The following SPATA9 variants were observed in gnomAD, a reference collection of about 807,000 sequenced individuals.
SPATA9 encodes spermatogenesis associated 9.
In SPATA9, 27 loss-of-function variants were observed where a neutral mutation model predicts 25.5. The ratio of observed to expected loss-of-function variants is 1.06; its 90% CI spans 0.78 to 1.46. The LOEUF is 1.46. Among genes scored for constraint, SPATA9 ranks in the 40% most tolerant of loss-of-function variants. The pLI, the probability that SPATA9 is intolerant of heterozygous loss-of-function variation, is 0.00. For synonymous variants in SPATA9, 102 were observed against 105.7 expected, an observed-to-expected ratio of 0.97 and a Z score of 0.21; for missense variants, 282 against 297.5, an observed-to-expected ratio of 0.95 and a Z score of 0.38.
intron 1 of SPATA9, among the ~76,000 whole-genome samples, chr5:95,690,164 T>A (rs150266426): frequency 1.3e-5 from 2 of 152,004 alleles, no homozygotes; most frequent in East Asian, 3.9e-4. Flanking sequence ...AACCTACACA[T>A]GAACTGCTAA....
At position 95,664,050 on chromosome 5, in the gene SPATA9, T is replaced by C. The variant is rs1751528189; in HGVS notation, c.379-2A>G. On this transcript the variant is annotated splice_acceptor_variant, in intron 3 of 4. Transcript: ENST00000274432. LOFTEE classifies it high-confidence loss of function. Reference sequence around the variant, plus strand: ...TTCAAACAAAGAACCCTTTCTGACCTGCAAAAACAGAAAAGATTTTCTTAA... The same window carrying C: ...TTCAAACAAAGAACCCTTTCTGACCCGCAAAAACAGAAAAGATTTTCTTAA... 1 of 1,531,124 alleles carries C rather than the reference T, an allele frequency of 6.5e-7. No homozygotes were observed. The highest frequency in any genetic ancestry group is 2.3e-5 in the East Asian group (1 of 43,178). 94.8% of individuals were successfully genotyped at this position (1,531,124 alleles called of 1,614,324 possible).
downstream of SPATA9, among the ~76,000 whole-genome samples, chr5:95,655,759 C>T (rs908502625): frequency 1.3e-5 from 2 of 152,068 alleles, no homozygotes; most frequent in African/African-American, 4.8e-5. Flanking sequence ...GTCAAGGAGG[C>T]GACATTAACA....
chr5:95,702,509 G>T (rs956117210), upstream of SPATA9, among the ~76,000 whole-genome samples: 3 of 152,142 alleles, frequency 2.0e-5, no homozygotes, highest in Admixed American at 2.0e-4. Flanking sequence ...GAACCAATTT[G>T]TCTAACTCAA....
chr5:95,718,701 C>G, the SPATA9 span, among the ~76,000 whole-genome samples: 2 of 152,198 alleles, frequency 1.3e-5, no homozygotes, highest in Non-Finnish European at 2.9e-5. Context: ...CGAAAAATCA[C>G]ACACTAAGGT....
chr5:95,654,394 C>G, downstream of SPATA9: 2 of 1,409,884 alleles, frequency 1.4e-6, no homozygotes, highest in Non-Finnish European at 2.0e-6. Flanking sequence ...TTATTTTCAG[C>G]AAATTCAGCA....
chr5:95,667,572 G>T (rs1023633634), intron 3 of SPATA9, among the ~76,000 whole-genome samples: 11 of 152,096 alleles, frequency 7.2e-5, no homozygotes, highest in Non-Finnish European at 1.5e-4. Flanking sequence ...AGGCTACACG[G>T]AGACAAATAT....
At chr5:95,706,648 AGTT>A in the SPATA9 span, among the ~76,000 whole-genome samples, 1 of 152,262 alleles carries the variant, frequency 6.6e-6, no homozygotes, top group East Asian at 1.9e-4. Flanking sequence ...AGGTAAATTA[AGTT>A]GTTTCTCTCC....
chr5:95,685,987 C>T (rs532619002), upstream of SPATA9, among the ~76,000 whole-genome samples: 4 of 152,230 alleles, frequency 2.6e-5, no homozygotes, highest in East Asian at 1.9e-4. Context: ...CAGGCACCCG[C>T]GACCACGCCC....
chr5:95,682,346 C>T (rs1289349163), intron 2 of SPATA9, among the ~76,000 whole-genome samples, 182 bp downstream of exon 2: 1 of 152,184 alleles, frequency 6.6e-6, no homozygotes. Flanking sequence ...GGTCCACAAT[C>T]TCTCTGCTTC....
chr5:95,695,212 T>C (rs1753985386), intron 1 of SPATA9, among the ~76,000 whole-genome samples: 1 of 152,212 alleles, frequency 6.6e-6, no homozygotes, highest in Non-Finnish European at 1.5e-5. Context: ...GTAAGGCACA[T>C]ATTATCAACT....
intron 1 of SPATA9, among the ~76,000 whole-genome samples, chr5:95,696,716 C>A (rs1292818928): frequency 6.6e-6 from 1 of 152,078 alleles, no homozygotes; most frequent in Non-Finnish European, 1.5e-5. Context: ...GTCTTTACAA[C>A]AAATTAAAAG....
At chr5:95,662,615 C>G (rs957250462) in intron 4 of SPATA9, among the ~76,000 whole-genome samples, 1 of 151,860 alleles carries the variant, frequency 6.6e-6, no homozygotes, top group Non-Finnish European at 1.5e-5. Context: ...AGGCAAGTCA[C>G]GGAGTAAGAG....
chr5:95,652,921 A>G, downstream of SPATA9: 2 of 679,868 alleles, frequency 2.9e-6, no homozygotes, highest in East Asian at 3.1e-5. Context: ...ATTCTTTCAA[A>G]AAGAAATCAA....
At chr5:95,727,733 G>A in the SPATA9 span, among the ~76,000 whole-genome samples, 1 of 152,248 alleles carries the variant, frequency 6.6e-6, no homozygotes, top group East Asian at 1.9e-4. Context: ...TAAAAAAGTG[G>A]TCATAAGAAA....
intron 2 of SPATA9, among the ~76,000 whole-genome samples, 162 bp downstream of exon 2, chr5:95,682,366 C>T (rs1753540665): frequency 6.6e-6 from 1 of 152,122 alleles, no homozygotes. Context: ...CCCAAAGACC[C>T]CTCTTAATGA....
intron 2 of SPATA9, among the ~76,000 whole-genome samples, chr5:95,680,667 T>G (rs1753369154): frequency 6.6e-6 from 1 of 152,218 alleles, no homozygotes; most frequent in African/African-American, 2.4e-5. Flanking sequence ...TACACTACAG[T>G]TAGTTAAAGA....
At chr5:95,676,020 C>G (rs1752915850) in intron 2 of SPATA9, among the ~76,000 whole-genome samples, 1 of 152,006 alleles carries the variant, frequency 6.6e-6, no homozygotes. Flanking sequence ...CCGAGTTTCA[C>G]CATGCTGGTC....
downstream of SPATA9, chr5:95,657,387 T>G (rs1750826088): frequency 6.6e-6 from 1 of 151,746 alleles, no homozygotes; most frequent in South Asian, 2.1e-4. Flanking sequence ...CAGCACATAG[T>G]GGTGATTTTT....
At chr5:95,722,552 G>A in the SPATA9 span, among the ~76,000 whole-genome samples, 396 of 152,114 alleles carry the variant, frequency 2.6e-3, 2 homozygotes, top group African/African-American at 9.2e-3. Context: ...GTTCAGTGGC[G>A]TGACCTCGGC....
Sources: gnomAD v4.1 joint callset for allele counts (sites outside exome capture counted in the v4.1 genomes callset) on GRCh38, gnomAD v4.1.1 for gene constraint, MANE v1.5 for transcripts, NCBI Gene and HGNC (gene_info 2026-07-23, HGNC 2026-07-21) for gene names.